MAGI2: variants seen among roughly 807,000 people sequenced by gnomAD.
The protein encoded by MAGI2 is membrane associated guanylate kinase, WW and PDZ domain containing 2, also known as membrane-associated guanylate kinase, WW and PDZ domain-containing protein 2.
A neutral mutation model predicts 133.3 loss-of-function variants in MAGI2; 35 were observed. The observed-to-expected ratio is 0.26, with a 90% CI of 0.20 to 0.35. MAGI2 has a LOEUF of 0.35. Among genes scored for constraint, MAGI2 ranks in the 10% least tolerant of loss-of-function variants. MAGI2 has a pLI of 1.00. For synonymous variants in MAGI2, 729 were observed against 710.6 expected, an observed-to-expected ratio of 1.03 and a Z score of -0.41; for missense variants, 1,636 against 1,863.4, an observed-to-expected ratio of 0.88 and a Z score of 2.25.
At chr7:79,427,316 A>T (rs1847449032) in intron 1 of MAGI2, among the ~76,000 whole-genome samples, 1 of 152,190 alleles carries the variant, frequency 6.6e-6, no homozygotes, top group Non-Finnish European at 1.5e-5. Context: ...ACCATGGCAC[A>T]TGTATACATA....
intron 6 of MAGI2, among the ~76,000 whole-genome samples, chr7:78,372,196 T>A (rs1031224041): frequency 2.6e-5 from 4 of 152,066 alleles, no homozygotes; most frequent in Non-Finnish European, 5.9e-5. Context: ...AAACACAACT[T>A]TCACAAGTTT....
chr7:78,358,684 C>T (rs1792435726), intron 7 of MAGI2: 3 of 214,840 alleles, frequency 1.4e-5, no homozygotes, highest in South Asian at 1.3e-4. Context: ...CCTTGGGGTG[C>T]CTGGCTCACG....
chr7:78,489,860 C>G lies in MAGI2; in HGVS notation c.966-20G>C, dbSNP rs774116136. The G allele has an allele frequency of 6.3e-7, 1 of 1,581,426 alleles. No individual in the cohort carries two copies. Among genetic ancestry groups the G allele is most frequent in the Admixed American group, 1.7e-5 (1 of 59,292 alleles). On this transcript the variant is annotated intron_variant, in intron 5 of 21. Transcript: ENST00000354212. Reference sequence around the variant, plus strand: ...TTATGGCTGAAAAGAAAAGAGATCACTCTGAACAGACACATACTAAAAGGA... The same window carrying G: ...TTATGGCTGAAAAGAAAAGAGATCAGTCTGAACAGACACATACTAAAAGGA...
At chr7:78,503,436 G>A (rs1185480685) in intron 4 of MAGI2, among the ~76,000 whole-genome samples, 1 of 151,944 alleles carries the variant, frequency 6.6e-6, no homozygotes, top group African/African-American at 2.4e-5. Flanking sequence ...AGAACCAGGT[G>A]GAGGTAACTG....
chr7:79,281,849 AT>A (rs1416450096), intron 1 of MAGI2, among the ~76,000 whole-genome samples: 1 of 152,198 alleles, frequency 6.6e-6, no homozygotes, highest in Non-Finnish European at 1.5e-5. Context: ...GAGTTAGAGA[AT>A]TGTCTAAATC....
chr7:78,614,171 C>T (rs559089507), intron 3 of MAGI2, among the ~76,000 whole-genome samples: 2 of 151,104 alleles, frequency 1.3e-5, no homozygotes, highest in African/African-American at 4.9e-5. Context: ...GGGAAATCAA[C>T]CAAGATAGCG....
rs192623108 is a variant in MAGI2, at chr7:79,408,103, G to A, written c.301+44917C>T. ...GTTTTAAATGCTATAAATAGAAATAGTCTAGCTTGGAAAGCTTGATTTTAC... is the reference window on the plus strand; with the variant it reads ...GTTTTAAATGCTATAAATAGAAATAATCTAGCTTGGAAAGCTTGATTTTAC... On this transcript the variant is annotated intron_variant, in intron 1 of 21. Coordinates refer to ENST00000354212, the MANE Select transcript of MAGI2 (RefSeq NM_012301.4). Among the ~76,000 whole-genome samples the A allele has an allele frequency of 6.0e-3, 917 of 152,156 alleles. 9 individuals are homozygous for A. The highest frequency in any genetic ancestry group is 0.021 in the African/African-American group (875 of 41,532).
intron 9 of MAGI2, among the ~76,000 whole-genome samples, chr7:78,284,296 A>T (rs1477557002): frequency 6.6e-6 from 1 of 152,082 alleles, no homozygotes; most frequent in Non-Finnish European, 1.5e-5. Context: ...ATTCTGTTTA[A>T]AAATAGAGAA....
chr7:79,341,956 C>T (rs1840934263), intron 1 of MAGI2, among the ~76,000 whole-genome samples: 1 of 152,164 alleles, frequency 6.6e-6, no homozygotes, highest in Non-Finnish European at 1.5e-5. Context: ...GACTAGAGTT[C>T]TGTTCCTCAG....
At chr7:79,397,569 G>A (rs1845149091) in intron 1 of MAGI2, among the ~76,000 whole-genome samples, 1 of 151,870 alleles carries the variant, frequency 6.6e-6, no homozygotes, top group Non-Finnish European at 1.5e-5. Context: ...ATTCCCTCAA[G>A]CACTGCATAA....
chr7:78,714,545 T>C (rs944610177), intron 2 of MAGI2, among the ~76,000 whole-genome samples: 1 of 152,222 alleles, frequency 6.6e-6, no homozygotes, highest in Non-Finnish European at 1.5e-5. Flanking sequence ...GGAAATCTAA[T>C]GAGCAATTCA....
At chr7:78,754,133 T>C (rs967349325) in intron 2 of MAGI2, among the ~76,000 whole-genome samples, 21 of 152,098 alleles carry the variant, frequency 1.4e-4, no homozygotes, top group Admixed American at 2.6e-4. Context: ...TCCCAGCACT[T>C]TGGGAGGCTG....
chr7:79,046,476 T>C (rs1024117571), intron 1 of MAGI2, among the ~76,000 whole-genome samples: 3 of 152,236 alleles, frequency 2.0e-5, no homozygotes. Flanking sequence ...GTCACCCAGT[T>C]TGGCGCTTTG....
chr7:78,615,446 T>C (rs905209450), intron 3 of MAGI2: 1 of 152,182 alleles, frequency 6.6e-6, no homozygotes, highest in African/African-American at 2.4e-5. Context: ...GACCATTTAC[T>C]CTCATCCTTA....
At chr7:78,044,144 C>T (rs1811150250) in intron 21 of MAGI2, among the ~76,000 whole-genome samples, 1 of 152,152 alleles carries the variant, frequency 6.6e-6, no homozygotes, top group African/African-American at 2.4e-5. Context: ...AATAATGTGA[C>T]TCCCCCAACT....
At position 78,412,164 on chromosome 7, in the gene MAGI2, T is replaced by C. The variant is rs544758835; in HGVS notation, c.1046-42951A>G. ...CTTCCAATGCATTGATAAAACTCTA[T>C]AATCAATGAAAAGAGTCATTTCAGT... On this transcript the variant is annotated intron_variant, in intron 6 of 21. Coordinates refer to ENST00000354212, the MANE Select transcript of MAGI2 (RefSeq NM_012301.4). 4.6e-5 allele frequency among the ~76,000 whole-genome samples: 7 copies of C among 152,160 alleles called. No homozygotes were observed. In the South Asian group the frequency reaches 1.2e-3, roughly 27 times the overall value.
At chr7:79,256,096 T>A (rs189817583) in intron 1 of MAGI2, among the ~76,000 whole-genome samples, 1 of 152,250 alleles carries the variant, frequency 6.6e-6, no homozygotes. Flanking sequence ...CTAGAAAGAA[T>A]CACTTGAATT....
chr7:79,282,474 G>C (rs1835723544), intron 1 of MAGI2, among the ~76,000 whole-genome samples: 1 of 151,942 alleles, frequency 6.6e-6, no homozygotes, highest in South Asian at 2.1e-4. Context: ...TTTTCTGCAG[G>C]AAAAAAGTTA....
At chr7:79,432,338 T>G (rs1384432216) in intron 1 of MAGI2, among the ~76,000 whole-genome samples, 1 of 152,324 alleles carries the variant, frequency 6.6e-6, no homozygotes, top group South Asian at 2.1e-4. Context: ...ACTAGCTGTT[T>G]GTTGAATTAT....
Sources: allele counts gnomAD v4.1 joint callset (sites outside exome capture counted in the v4.1 genomes callset), GRCh38; gene constraint gnomAD v4.1.1; transcripts MANE v1.5; gene names NCBI Gene and HGNC (gene_info 2026-07-23, HGNC 2026-07-21).